The following MAPK10 variants were observed in gnomAD, a reference collection of about 807,000 sequenced individuals.
MAPK10 encodes JNK3 alpha protein kinase.
A neutral mutation model predicts 59.3 loss-of-function variants in MAPK10; 25 were observed. That is an observed-to-expected ratio of 0.42 (90% CI 0.31 to 0.59). The LOEUF is 0.59. MAPK10 is among the 20% of genes least tolerant of loss of function. The pLI is 0.15. For missense variants in MAPK10, 351 were observed against 568.9 expected (o/e 0.62, Z 3.90); for synonymous variants, 190 against 200.5 (o/e 0.95, Z 0.44).
intron 1 of MAPK10, among the ~76,000 whole-genome samples, chr4:86,447,534 AT>A (rs1365495078): frequency 1.3e-5 from 2 of 152,302 alleles, no homozygotes; most frequent in African/African-American, 4.8e-5. Flanking sequence ...ATTTTCTTTA[AT>A]AGAGTATATG....
rs1182398589 is a variant in MAPK10, at chr4:86,492,449, T to C, written c.-263+101461A>G. ...AAAAATATTCCTCTATCCTTGTTAG[T>C]TCTGCAGCAAAATGGTTTCAGTGTC... On this transcript the variant is annotated intron_variant, in intron 1 of 4. Transcript: ENST00000502302. Among the ~76,000 whole-genome samples the C allele has an allele frequency of 2.6e-5, 4 of 152,340 alleles. No individual in the cohort carries two copies. The East Asian group carries it at 5.8e-4, about 22-fold the overall frequency.
At chr4:86,313,468 T>C (rs1344008912) in intron 2 of MAPK10, among the ~76,000 whole-genome samples, 2 of 152,076 alleles carry the variant, frequency 1.3e-5, no homozygotes, top group Non-Finnish European at 2.9e-5. Context: ...GGAAAGATGT[T>C]GAAATCTACC....
At chr4:86,199,551 G>T (rs1458620901) in intron 2 of MAPK10, among the ~76,000 whole-genome samples, 1 of 152,006 alleles carries the variant, frequency 6.6e-6, no homozygotes, top group Non-Finnish European at 1.5e-5. Context: ...TCCAAGAGAT[G>T]AGATAATTAT....
intron 1 of MAPK10, among the ~76,000 whole-genome samples, chr4:86,538,665 T>C (rs1758441098): frequency 6.6e-6 from 1 of 152,212 alleles, no homozygotes; most frequent in Admixed American, 6.5e-5. Context: ...GTCCTTAAAA[T>C]ATTCACTCTT....
intron 1 of MAPK10, among the ~76,000 whole-genome samples, chr4:86,357,281 AC>A (rs1269697198): frequency 6.6e-6 from 1 of 152,212 alleles, no homozygotes; most frequent in African/African-American, 2.4e-5. Context: ...CCCATATTTA[AC>A]AAACAAGTAA....
chr4:86,518,123 A>C (rs918009977), intron 1 of MAPK10, among the ~76,000 whole-genome samples: 9 of 152,136 alleles, frequency 5.9e-5, no homozygotes, highest in Admixed American at 2.0e-4. Context: ...CCCAGGTTAA[A>C]GCGATTTTCC....
chr4:86,032,353 A>G (rs1298890146), intron 11 of MAPK10: 1 of 152,166 alleles, frequency 6.6e-6, no homozygotes, highest in African/African-American at 2.4e-5. Context: ...AGAAAAAAAA[A>G]AGGCTCTTGG....
intron 1 of MAPK10, among the ~76,000 whole-genome samples, chr4:86,533,177 T>C (rs533248188): frequency 3.9e-5 from 6 of 152,296 alleles, no homozygotes; most frequent in Admixed American, 3.3e-4. Flanking sequence ...TATGATTTCA[T>C]TTACACAATG....
intron 13 of MAPK10, chr4:86,025,444 T>C (rs1289018208): frequency 5.0e-6 from 2 of 398,026 alleles, no homozygotes; most frequent in East Asian, 7.1e-5. Context: ...GGACAAGACA[T>C]GGGCCTTGGC....
intron 1 of MAPK10, among the ~76,000 whole-genome samples, chr4:86,529,752 C>G (rs1247004776): frequency 6.6e-6 from 1 of 152,100 alleles, no homozygotes; most frequent in Non-Finnish European, 1.5e-5. Context: ...GAAAGCCCTG[C>G]AGAAGGATGG....
intron 2 of MAPK10, among the ~76,000 whole-genome samples, chr4:86,203,161 T>C (rs17011492): frequency 0.085 from 12,882 of 151,900 alleles, 1,212 homozygotes; most frequent in African/African-American, 0.23. Context: ...AGTTGTTCTT[T>C]TGGGAAAAGC....
intron 9 of MAPK10, among the ~76,000 whole-genome samples, chr4:86,087,221 T>C (rs1421590921): frequency 2.6e-5 from 4 of 152,214 alleles, no homozygotes; most frequent in African/African-American, 7.2e-5. Flanking sequence ...ACAAAGATCA[T>C]AAAAACACTC....
intron 1 of MAPK10, among the ~76,000 whole-genome samples, chr4:86,377,002 T>C (rs1470244703): frequency 6.6e-6 from 1 of 152,172 alleles, no homozygotes; most frequent in Non-Finnish European, 1.5e-5. Flanking sequence ...GCACAATGGC[T>C]TTACAAGCAG....
intron 4 of MAPK10, among the ~76,000 whole-genome samples, chr4:86,146,468 C>G (rs1352167022): frequency 6.6e-6 from 1 of 152,130 alleles, no homozygotes; most frequent in Non-Finnish European, 1.5e-5. Context: ...AGTCTTTTTC[C>G]TTTTCTTGGG....
chr4:86,527,480 G>A (rs1387273261), intron 1 of MAPK10, among the ~76,000 whole-genome samples: 1 of 152,024 alleles, frequency 6.6e-6, no homozygotes, highest in East Asian at 1.9e-4. Flanking sequence ...ACACCAGTCA[G>A]CATGCCAATT....
At chr4:86,137,954 C>G (rs1366990436) in intron 4 of MAPK10, among the ~76,000 whole-genome samples, 1 of 131,416 alleles carries the variant, frequency 7.6e-6, no homozygotes, top group African/African-American at 2.9e-5. Context: ...ATAAATTCCT[C>G]GACACATACA....
intron 2 of MAPK10, among the ~76,000 whole-genome samples, chr4:86,324,465 A>G (rs1276602336): frequency 6.6e-6 from 1 of 152,088 alleles, no homozygotes; most frequent in African/African-American, 2.4e-5. Context: ...GGTCCCTTAC[A>G]CTACTTTTGA....
chr4:86,489,697 C>G (rs146564998), intron 1 of MAPK10, among the ~76,000 whole-genome samples: 1 of 152,132 alleles, frequency 6.6e-6, no homozygotes, highest in African/African-American at 2.4e-5. Flanking sequence ...ATCATTATAT[C>G]CCCTAGAGCT....
At chr4:86,171,649 T>C (rs186221786) in intron 3 of MAPK10, among the ~76,000 whole-genome samples, 430 of 152,254 alleles carry the variant, frequency 2.8e-3, no homozygotes, top group Non-Finnish European at 4.7e-3. Context: ...GGCATTACCA[T>C]TCAGGACATA....
Sources: allele counts gnomAD v4.1 joint callset (sites outside exome capture counted in the v4.1 genomes callset), GRCh38; gene constraint gnomAD v4.1.1; transcripts MANE v1.5; gene names NCBI Gene and HGNC (gene_info 2026-07-23, HGNC 2026-07-21).